The following SIN3B variants were observed in gnomAD, a reference collection of about 807,000 sequenced individuals.
SIN3B encodes SIN3 transcription regulator family member B, also known as paired amphipathic helix protein Sin3b.
Under a neutral mutation model 120.2 loss-of-function variants are expected in SIN3B, and 19 were observed. That is an observed-to-expected ratio of 0.16 (90% confidence interval 0.11 to 0.23). The LOEUF is 0.23. Ranked by LOEUF, SIN3B falls within the 10% of genes least tolerant of loss-of-function variation. The pLI is 1.00. For synonymous variants in SIN3B, 654 were observed against 653.2 expected (o/e 1.00, Z -0.02); for missense variants, 1,073 against 1,573.0 (o/e 0.68, Z 5.38).
At chr19:16,875,546 G>A (rs1357217051) in intron 14 of SIN3B, among the ~76,000 whole-genome samples, 1 of 136,914 alleles carries the variant, frequency 7.3e-6, no homozygotes, top group African/African-American at 2.8e-5. Flanking sequence ...GTTTGGTCTG[G>A]TCTGTTTGGT....
In SIN3B at chr19:16,862,632, C is replaced by T; in HGVS notation, c.1266+73C>T. 1 of 1,356,516 alleles carries T rather than the reference C, an allele frequency of 7.4e-7. No individual in the cohort carries two copies. 84.0% of individuals were successfully genotyped at this position (1,356,516 alleles called of 1,614,324 possible). On this transcript the variant is annotated intron_variant, in intron 9 of 18. Transcript: ENST00000248054. The surrounding 1 kb of genome is among the most constrained non-coding windows in gnomAD (Gnocchi z 4.7). ...ACCCCTCCCCAGCAAACACCCGATACCCCCGTTATGAATGAAATGCTGTGT... is the reference window on the plus strand; with the variant it reads ...ACCCCTCCCCAGCAAACACCCGATATCCCCGTTATGAATGAAATGCTGTGT...
chr19:16,863,988 C>A (rs2144611514), intron 10 of SIN3B, among the ~76,000 whole-genome samples, 192 bp downstream of exon 10: 1 of 152,300 alleles, frequency 6.6e-6, no homozygotes, highest in East Asian at 1.9e-4. Flanking sequence ...TGGCACTTTT[C>A]TTTCTGTTTA....
At chr19:16,842,031 A>G (rs998538019) in intron 4 of SIN3B, 63 bp downstream of exon 4, 13 of 1,281,564 alleles carry the variant, frequency 1.0e-5, no homozygotes, top group Non-Finnish European at 1.5e-5. Context: ...GGCCCTGCAG[A>G]TATTCAGATT....
intron 5 of SIN3B, among the ~76,000 whole-genome samples, chr19:16,848,951 A>G (rs1380844123): frequency 6.6e-6 from 1 of 152,334 alleles, no homozygotes; most frequent in East Asian, 1.9e-4. Context: ...GGTTTCTTTA[A>G]GTGGCATTTA....
At chr19:16,867,121 A>C (rs995806503) in intron 12 of SIN3B, among the ~76,000 whole-genome samples, 1 of 152,078 alleles carries the variant, frequency 6.6e-6, no homozygotes, top group Admixed American at 6.5e-5. Context: ...TGGCTTAGGT[A>C]GTGGGTGGCA....
chr19:16,831,251 C>G (rs547545261), intron 2 of SIN3B, among the ~76,000 whole-genome samples: 62 of 152,144 alleles, frequency 4.1e-4, no homozygotes, highest in African/African-American at 1.5e-3. Flanking sequence ...TTAGTACAGA[C>G]AGGGTTTCAC....
At chr19:16,851,298 C>G (rs960108510) in intron 5 of SIN3B, 114 bp from the exon 6 acceptor site, 1 of 1,297,440 alleles carries the variant, frequency 7.7e-7, no homozygotes, top group East Asian at 2.7e-5. Flanking sequence ...GCCTGGTGCC[C>G]GTGGCCACCA....
chr19:16,853,247 G>A, intron 7 of SIN3B, 89 bp downstream of exon 7: 1 of 1,261,006 alleles, frequency 7.9e-7, no homozygotes, highest in Admixed American at 1.8e-5. Flanking sequence ...GATTGGGGCG[G>A]GGAGCAGGTA....
intron 4 of SIN3B, among the ~76,000 whole-genome samples, chr19:16,845,413 C>T (rs567426655): frequency 1.2e-4 from 19 of 152,302 alleles, no homozygotes; most frequent in Admixed American, 8.5e-4. Context: ...GCTGGGACTA[C>T]AGGCACGCGC....
In SIN3B at chr19:16,879,086, C is replaced by CA; in HGVS notation, c.*360dup. 1 of 306,154 alleles carries CA rather than the reference C, an allele frequency of 3.3e-6. No individual in the cohort carries two copies. Among genetic ancestry groups the CA allele is most frequent in the Non-Finnish European group, 6.1e-6 (1 of 164,964 alleles). 19.0% of individuals were successfully genotyped at this position (306,154 alleles called of 1,614,324 possible). A position where few individuals can be genotyped will look rare whatever the true frequency, so the allele number is the denominator to read the frequency against. ...TATTCTTGCCGTGTCTTGGAAAAGT[C>CA]ACAGGTGACAGCCCTCCTGAGGCCC... On this transcript the variant is annotated 3_prime_UTR_variant, in exon 19 of 19. Transcript: ENST00000248054.
intron 6 of SIN3B, among the ~76,000 whole-genome samples, chr19:16,852,009 C>T (rs532330871): frequency 2.0e-5 from 3 of 152,286 alleles, no homozygotes; most frequent in East Asian, 1.9e-4. Flanking sequence ...GGAACTTTGT[C>T]GTCCTCCCAT....
At position 16,846,522 on chromosome 19, in the gene SIN3B, G is replaced by A. The variant is rs150606407; in HGVS notation, c.583-448G>A. On this transcript the variant is annotated intron_variant, in intron 4 of 18. Transcript: ENST00000248054. The stretch of plus-strand genomic sequence containing the variant: ...AACCTGGGTTCCCTTTGGTCCTCTT[G>A]TTGCTTTAAGGTCTGGATCAGGCCA... 355 of 155,200 alleles carry A rather than the reference G, an allele frequency of 2.3e-3. 2 individuals are homozygous for A. The highest frequency in any genetic ancestry group is 0.018 in the South Asian group (89 of 4,870). 9.6% of individuals were successfully genotyped at this position (155,200 alleles called of 1,614,324 possible). A position where few individuals can be genotyped will look rare whatever the true frequency, so the allele number is the denominator to read the frequency against.
intron 5 of SIN3B, among the ~76,000 whole-genome samples, chr19:16,848,792 C>T (rs374239370): frequency 3.3e-5 from 5 of 152,092 alleles, no homozygotes; most frequent in African/African-American, 1.2e-4. Flanking sequence ...TGAGCCACTG[C>T]GCCCGGCCTA....
In SIN3B at chr19:16,871,177, G is replaced by A. The variant is rs138784340; in HGVS notation, c.2423-52G>A. On this transcript the variant is annotated intron_variant, in intron 13 of 18. Coordinates refer to ENST00000248054, the MANE Select transcript of SIN3B (RefSeq NM_001297595.2). The stretch of plus-strand genomic sequence containing the variant: ...TCTGTCATGCCAGAGTTTGGCCTGC[G>A]TGACTTTGCGCTCTCCAGGAGGCAT... The A allele has an allele frequency of 6.7e-3, 10,762 of 1,611,456 alleles. 65 individuals are homozygous for A. The highest frequency in any genetic ancestry group is 0.026 in the Middle Eastern group (160 of 6,050).
At chr19:16,856,300 T>C (rs1377550480) in intron 8 of SIN3B, among the ~76,000 whole-genome samples, 1 of 152,058 alleles carries the variant, frequency 6.6e-6, no homozygotes, top group Non-Finnish European at 1.5e-5. Flanking sequence ...CTGGGGCCAG[T>C]GTTGCTTCCT....
chr19:16,847,101 C>T lies in SIN3B; in HGVS notation c.714C>T (p.Ala238=), dbSNP rs540045496. The change falls in exon 5 of 19, where the codon GCC becomes GCT. Residue 238 remains alanine (A), a synonymous_variant. Coordinates refer to ENST00000248054, the MANE Select transcript of SIN3B (RefSeq NM_001297595.2). The part of the protein sequence containing the change: ...LSEFGQFLPE[A]KRSLFTGNGP... ...AGTTTGGACAGTTCCTGCCCGAAGC[C>T]AAGCGGTCTCTGGTGAGTGCCGAGA... is the stretch of plus-strand genomic sequence containing the variant. 70 of 1,612,222 alleles carry T rather than the reference C, an allele frequency of 4.3e-5. No individual in the cohort carries two copies. The highest frequency in any genetic ancestry group is 3.6e-5 in the Non-Finnish European group (42 of 1,178,434).
chr19:16,876,386 G>T lies in SIN3B; in HGVS notation c.2767-100G>T. ...GACCTGCAGGAAGCATCAGGGCTTT[G>T]GGAGGGTGGCAAAGGCGGGAGGCGG... On this transcript the variant is annotated intron_variant, in intron 15 of 18. Coordinates refer to ENST00000248054, the MANE Select transcript of SIN3B (RefSeq NM_001297595.2). The surrounding 1 kb of genome is among the most constrained non-coding windows in gnomAD (Gnocchi z 7.1). The T allele has an allele frequency of 7.0e-7, 1 of 1,423,962 alleles. No homozygotes were observed. The highest frequency in any genetic ancestry group is 9.7e-7 in the Non-Finnish European group (1 of 1,035,172). The allele number at this position is 1,423,962 out of a possible 1,614,324, so 88.2% of individuals were successfully genotyped here.
Position 16,864,362 on chromosome 19 carries a change from C to T in SIN3B, c.1383+566C>T, listed in dbSNP as rs949634019. 2.0e-5 allele frequency among the ~76,000 whole-genome samples: 3 copies of T among 152,080 alleles called. No homozygotes were observed. In the East Asian group the frequency reaches 5.8e-4, roughly 29 times the overall value. ...TATTTATTTATTTATTTTGCTTGCTCTGTTTCCCAGGCTGGAAGTGCAGTG... is the reference window on the plus strand; with the variant it reads ...TATTTATTTATTTATTTTGCTTGCTTTGTTTCCCAGGCTGGAAGTGCAGTG... On this transcript the variant is annotated intron_variant, in intron 10 of 18. Transcript: ENST00000248054.
chr19:16,863,040 C>G (rs779070900), intron 9 of SIN3B: 5 of 1,253,988 alleles, frequency 4.0e-6, no homozygotes, highest in Non-Finnish European at 5.8e-6. Context: ...TAAAGTTTTA[C>G]TGTCACACAG....
Sources: allele counts gnomAD v4.1 joint callset (sites outside exome capture counted in the v4.1 genomes callset), GRCh38; gene constraint gnomAD v4.1.1; non-coding constraint Gnocchi (gnomAD v3.1); transcripts MANE v1.5; gene names NCBI Gene and HGNC (gene_info 2026-07-23, HGNC 2026-07-21).